Variants in KLRG1 observed in about 807,000 individuals in gnomAD.
KLRG1 encodes killer cell lectin-like receptor subfamily G member 1.
A neutral mutation model predicts 21.8 loss-of-function variants in KLRG1; 16 were observed. That is an observed-to-expected ratio of 0.73 (90% CI 0.50 to 1.11). The LOEUF (loss-of-function observed/expected upper bound fraction) is 1.11, where lower values mean the gene tolerates loss of function less well. Among genes scored for constraint, KLRG1 ranks in the 50% most tolerant of loss-of-function variants. KLRG1 has a pLI of 0.00. For missense variants in KLRG1, 173 were observed against 218.3 expected (o/e 0.79, Z 1.31); for synonymous variants, 69 against 75.9 (o/e 0.91, Z 0.47).
At chr12:9,140,402 T>C in the KLRG1 span, among the ~76,000 whole-genome samples, 73 of 152,286 alleles carry the variant, frequency 4.8e-4, 2 homozygotes, top group African/African-American at 1.6e-3. Context: ...TCGGCCCAAT[T>C]GGTTGAGATA....
At chr12:9,090,520 G>C in the KLRG1 span, 1 of 1,605,144 alleles carries the variant, frequency 6.2e-7, no homozygotes. Flanking sequence ...GAGAGGGAAG[G>C]AGAACAGAGG....
the KLRG1 span, chr12:9,197,061 C>G: frequency 6.2e-7 from 1 of 1,613,502 alleles, no homozygotes; most frequent in Non-Finnish European, 8.5e-7. Flanking sequence ...ATTAAGAACA[C>G]GAGATAATTT....
intron 3 of KLRG1, among the ~76,000 whole-genome samples, chr12:8,996,996 G>C (rs779709633): frequency 2.0e-4 from 30 of 152,198 alleles, no homozygotes; most frequent in Non-Finnish European, 3.7e-4. Flanking sequence ...GTGATCATGA[G>C]AGGTGAGGAG....
At chr12:9,213,404 A>G in the KLRG1 span, among the ~76,000 whole-genome samples, 4 of 152,052 alleles carry the variant, frequency 2.6e-5, no homozygotes, top group Non-Finnish European at 5.9e-5. Flanking sequence ...CTGCCAGACT[A>G]TTTTTCACAG....
chr12:9,026,073 G>A, the KLRG1 span, among the ~76,000 whole-genome samples: 1 of 152,150 alleles, frequency 6.6e-6, no homozygotes, highest in Admixed American at 6.5e-5. Flanking sequence ...ACGGTTTTTG[G>A]CAGCAGCCTA....
At chr12:9,190,975 ATAACTAT>A in the KLRG1 span, among the ~76,000 whole-genome samples, 1 of 152,168 alleles carries the variant, frequency 6.6e-6, no homozygotes, top group Non-Finnish European at 1.5e-5. Context: ...TCGGTAATTA[ATAACTAT>A]TAAAATATGT....
At chr12:9,153,245 G>A in the KLRG1 span, 1 of 1,614,178 alleles carries the variant, frequency 6.2e-7, no homozygotes. Flanking sequence ...TTGTAGAAAA[G>A]GTCTGTGAAT....
At chr12:9,169,607 G>A in the KLRG1 span, 2 of 1,574,128 alleles carry the variant, frequency 1.3e-6, no homozygotes, top group South Asian at 2.4e-5. Context: ...GCAGTGGGGG[G>A]ATCAAAGGCA....
the KLRG1 span, among the ~76,000 whole-genome samples, chr12:9,118,873 C>G: frequency 1.3e-5 from 2 of 152,044 alleles, no homozygotes; most frequent in Admixed American, 6.5e-5. Context: ...CAAGCTGATG[C>G]CATGGAAATG....
chr12:9,069,736 T>C, the KLRG1 span: 2 of 1,608,118 alleles, frequency 1.2e-6, no homozygotes, highest in Non-Finnish European at 1.7e-6. Context: ...AGACTGGAAG[T>C]TCTCTTACCT....
the KLRG1 span, chr12:9,101,771 G>A: frequency 1.1e-5 from 10 of 947,182 alleles, no homozygotes; most frequent in Non-Finnish European, 1.6e-5. Flanking sequence ...ACCTTAACTA[G>A]TAGCTAGAAA....
At chr12:9,192,723 G>T in the KLRG1 span, 5 of 1,610,478 alleles carry the variant, frequency 3.1e-6, no homozygotes, top group Non-Finnish European at 4.2e-6. Flanking sequence ...ACACAAGTTG[G>T]GATGCACAGT....
At chr12:9,169,648 A>G in the KLRG1 span, 1 of 1,442,426 alleles carries the variant, frequency 6.9e-7, no homozygotes, top group East Asian at 2.5e-5. Context: ...TTTGAAATAG[A>G]ATGAACTGAG....
At chr12:9,072,997 C>G in the KLRG1 span, 1 of 674,822 alleles carries the variant, frequency 1.5e-6, no homozygotes, top group Non-Finnish European at 2.5e-6. Context: ...AATATAGGAG[C>G]TGTAATTTCA....
intron 2 of KLRG1, among the ~76,000 whole-genome samples, chr12:8,994,591 T>C (rs1391659411): frequency 6.6e-6 from 1 of 152,246 alleles, no homozygotes; most frequent in Non-Finnish European, 1.5e-5. Context: ...ACATCTGTGA[T>C]AATAAAAAAG....
the KLRG1 span, among the ~76,000 whole-genome samples, chr12:9,055,316 T>A: frequency 6.6e-6 from 1 of 152,214 alleles, no homozygotes; most frequent in Non-Finnish European, 1.5e-5. Context: ...TTGCAAAAAA[T>A]GTTTCCACTC....
chr12:9,004,465 T>C (rs1947407009), intron 3 of KLRG1, among the ~76,000 whole-genome samples: 1 of 152,208 alleles, frequency 6.6e-6, no homozygotes, highest in Non-Finnish European at 1.5e-5. Context: ...TAGATACTTA[T>C]TAAACATAAT....
the KLRG1 span, among the ~76,000 whole-genome samples, chr12:9,075,702 T>C: frequency 0.38 from 57,493 of 151,630 alleles, 11,623 homozygotes; most frequent in African/African-American, 0.5. Context: ...ATGAAACACA[T>C]GTGAAGATTC....
At chr12:9,002,910 T>TACACACACACACAC (rs59706974) in intron 3 of KLRG1, among the ~76,000 whole-genome samples, 2,308 of 144,682 alleles carry the variant, frequency 0.016, 47 homozygotes, top group African/African-American at 0.04. Flanking sequence ...CTCTTTCTAA[T>TACACACACACACAC]ACACACACAC....
Sources: allele counts gnomAD v4.1 joint callset (sites outside exome capture counted in the v4.1 genomes callset), GRCh38; gene constraint gnomAD v4.1.1; transcripts MANE v1.5; gene names NCBI Gene and HGNC (gene_info 2026-07-23, HGNC 2026-07-21).